The following SHISA9 variants were observed in gnomAD, a reference collection of about 807,000 sequenced individuals.
SHISA9 encodes the protein shisa family member 9.
A neutral mutation model predicts 38.0 loss-of-function variants in SHISA9; 13 were observed. The ratio of observed to expected loss-of-function variants is 0.34; its 90% CI spans 0.22 to 0.54. The LOEUF (loss-of-function observed/expected upper bound fraction) is 0.54. SHISA9 is among the 20% of genes least tolerant of loss of function. SHISA9 has a pLI of 0.91. For missense variants in SHISA9, 538 were observed against 575.8 expected, an observed-to-expected ratio of 0.93 and a Z score of 0.67; for synonymous variants, 275 against 242.0, an observed-to-expected ratio of 1.14 and a Z score of -1.27.
At chr16:13,241,813 G>C (rs1042453413), downstream of SHISA9, among the ~76,000 whole-genome samples, 1 of 152,184 alleles carries the variant, frequency 6.6e-6, no homozygotes, top group African/African-American at 2.4e-5. Flanking sequence ...CCCCTGGGCT[G>C]TCTTTGGGGC....
the SHISA9 span, among the ~76,000 whole-genome samples, chr16:13,317,811 C>T: frequency 7.9e-5 from 12 of 152,254 alleles, 1 homozygote; most frequent in Non-Finnish European, 7.4e-5. Flanking sequence ...CTTTCTGATG[C>T]CTACAACTTC....
At chr16:13,486,911 T>C in the SHISA9 span, among the ~76,000 whole-genome samples, 2 of 152,080 alleles carry the variant, frequency 1.3e-5, no homozygotes. Context: ...TCCATGTTAG[T>C]CAGGCTGGTC....
chr16:12,928,597 A>C (rs1336726816), intron 2 of SHISA9, among the ~76,000 whole-genome samples: 1 of 152,256 alleles, frequency 6.6e-6, no homozygotes, highest in Non-Finnish European at 1.5e-5. Flanking sequence ...TTATTGGTGT[A>C]GAACTTCTCT....
intron 2 of SHISA9, among the ~76,000 whole-genome samples, chr16:13,183,645 CTA>C (rs2050795526): frequency 6.6e-6 from 1 of 152,234 alleles, no homozygotes; most frequent in Admixed American, 6.5e-5. Flanking sequence ...GTTTCCACAA[CTA>C]TGTTTTCCTT....
the SHISA9 span, among the ~76,000 whole-genome samples, chr16:13,325,663 G>A: frequency 6.6e-6 from 1 of 152,146 alleles, no homozygotes; most frequent in Non-Finnish European, 1.5e-5. Flanking sequence ...AAGCCCTGAC[G>A]ACTAGGAGAG....
At chr16:13,175,540 C>G (rs2142025365) in intron 2 of SHISA9, among the ~76,000 whole-genome samples, 1 of 152,234 alleles carries the variant, frequency 6.6e-6, no homozygotes, top group African/African-American at 2.4e-5. Flanking sequence ...GAGATGGGTA[C>G]AGATTCAGTC....
At chr16:13,039,085 T>C (rs551216060) in intron 2 of SHISA9, among the ~76,000 whole-genome samples, 69 of 152,090 alleles carry the variant, frequency 4.5e-4, no homozygotes, top group Admixed American at 1.9e-3. Flanking sequence ...ATTTTTGTAT[T>C]TGTAATAGAG....
chr16:12,938,708 G>C (rs1436648812), intron 2 of SHISA9, among the ~76,000 whole-genome samples: 1 of 151,786 alleles, frequency 6.6e-6, no homozygotes, highest in African/African-American at 2.4e-5. Flanking sequence ...TCACCATGTT[G>C]GCCAGGATGC....
the SHISA9 span, among the ~76,000 whole-genome samples, chr16:13,430,842 C>T: frequency 6.6e-6 from 1 of 151,284 alleles, no homozygotes; most frequent in Non-Finnish European, 1.5e-5. Flanking sequence ...TCTCTTGAGC[C>T]CAGGTGTTCG....
intron 4 of SHISA9, among the ~76,000 whole-genome samples, chr16:13,222,787 T>A (rs1291212301): frequency 1.5e-5 from 1 of 67,976 alleles, no homozygotes; most frequent in Non-Finnish European, 2.5e-5. Context: ...AAGGTGTGTG[T>A]GTATGTATAT....
chr16:13,017,075 A>G (rs1298441764), intron 2 of SHISA9, among the ~76,000 whole-genome samples: 1 of 149,710 alleles, frequency 6.7e-6, no homozygotes, highest in Non-Finnish European at 1.5e-5. Flanking sequence ...GCTGGAGTGC[A>G]GTGGCCTGAT....
chr16:13,415,698 A>G, the SHISA9 span, among the ~76,000 whole-genome samples: 2 of 152,192 alleles, frequency 1.3e-5, no homozygotes, highest in African/African-American at 4.8e-5. Flanking sequence ...AACAGAATGG[A>G]TTATCCAGAA....
At chr16:13,364,156 G>C in the SHISA9 span, among the ~76,000 whole-genome samples, 1 of 152,198 alleles carries the variant, frequency 6.6e-6, no homozygotes, top group African/African-American at 2.4e-5. Context: ...ATTGTCATTG[G>C]CTTAGCATTG....
chr16:13,341,246 G>C, the SHISA9 span, among the ~76,000 whole-genome samples: 1 of 152,170 alleles, frequency 6.6e-6, no homozygotes, highest in East Asian at 1.9e-4. Context: ...CACTGCTGCT[G>C]AGATTCTTAG....
At chr16:12,909,120 A>G (rs1480626481) in intron 1 of SHISA9, 16 of 986,112 alleles carry the variant, frequency 1.6e-5, no homozygotes, top group Non-Finnish European at 1.8e-5. Flanking sequence ...GTGTGCATGC[A>G]TCTACTGTTG....
At chr16:13,358,199 GT>G in the SHISA9 span, among the ~76,000 whole-genome samples, 3 of 152,176 alleles carry the variant, frequency 2.0e-5, no homozygotes, top group African/African-American at 7.2e-5. Flanking sequence ...GGATACTGGG[GT>G]GAGAAGGATT....
At chr16:13,309,567 C>T in the SHISA9 span, among the ~76,000 whole-genome samples, 8 of 147,244 alleles carry the variant, frequency 5.4e-5, no homozygotes, top group Admixed American at 1.4e-4. Flanking sequence ...CACTTGAACC[C>T]GGGAGGTGGA....
At chr16:13,213,367 G>C (rs1052208716) in intron 4 of SHISA9, 67 bp downstream of exon 4, 1 of 1,434,206 alleles carries the variant, frequency 7.0e-7, no homozygotes, top group Non-Finnish European at 9.6e-7. Context: ...ATAATGAAGG[G>C]ATAGAGAGTC....
the SHISA9 span, among the ~76,000 whole-genome samples, chr16:13,358,038 T>A: frequency 6.6e-6 from 1 of 152,190 alleles, no homozygotes; most frequent in Non-Finnish European, 1.5e-5. Flanking sequence ...TGTGATGGCT[T>A]GGCTTGGGCT....
Sources: gnomAD v4.1 joint callset for allele counts (sites outside exome capture counted in the v4.1 genomes callset) on GRCh38, gnomAD v4.1.1 for gene constraint, MANE v1.5 for transcripts, NCBI Gene and HGNC (gene_info 2026-07-23, HGNC 2026-07-21) for gene names.